The following SPATA31H1 variants were observed in gnomAD, a reference collection of about 807,000 sequenced individuals.
The protein encoded by SPATA31H1 is spermatogenesis-associated protein 31H1.
At chr2:27,566,020 C>T in the SPATA31H1 span, 2 of 717,238 alleles carry the variant, frequency 2.8e-6, no homozygotes, top group African/African-American at 3.5e-5. Flanking sequence ...ATGAGGCTGA[C>T]AGATTCTTCA....
At chr2:27,565,543 GAT>G in the SPATA31H1 span, 1 of 649,920 alleles carries the variant, frequency 1.5e-6, no homozygotes, top group Non-Finnish European at 2.8e-6. Context: ...CATGTCTAAA[GAT>G]ATGTATGTAT....
the SPATA31H1 span, chr2:27,575,658 C>T: frequency 2.0e-5 from 8 of 398,404 alleles, 1 homozygote; most frequent in Non-Finnish European, 3.1e-5. The surrounding 1 kb of genome is among the most constrained non-coding windows in gnomAD (Gnocchi z 4.1). Flanking sequence ...AGAGCCACCA[C>T]ATCAGTGTGT....
chr2:27,556,134 CAAAAA>C, the SPATA31H1 span, among the ~76,000 whole-genome samples: 4 of 92,898 alleles, frequency 4.3e-5, no homozygotes, highest in Admixed American at 1.0e-4. Context: ...GACTCCATCT[CAAAAA>C]AAAAAAAAAA....
At chr2:27,548,278 GTT>G in the SPATA31H1 span, among the ~76,000 whole-genome samples, 4 of 151,768 alleles carry the variant, frequency 2.6e-5, no homozygotes, top group Non-Finnish European at 4.4e-5. Flanking sequence ...CTTAACAGTA[GTT>G]TCTTAATACC....
At chr2:27,541,441 A>G in the SPATA31H1 span, among the ~76,000 whole-genome samples, 2 of 151,800 alleles carry the variant, frequency 1.3e-5, no homozygotes, top group East Asian at 1.9e-4. Flanking sequence ...GGAGAGGGAG[A>G]GACACCAACT....
the SPATA31H1 span, among the ~76,000 whole-genome samples, chr2:27,543,953 C>T: frequency 6.6e-6 from 1 of 151,974 alleles, no homozygotes; most frequent in East Asian, 1.9e-4. Context: ...TTTTTAGGTT[C>T]CTGACAATTT....
the SPATA31H1 span, chr2:27,569,086 TGGA>T: frequency 6.8e-5 from 27 of 398,844 alleles, no homozygotes; most frequent in Admixed American, 4.0e-4. Context: ...TCAGAATCTG[TGGA>T]GATGAGCTCA....
chr2:27,542,946 G>A, the SPATA31H1 span, among the ~76,000 whole-genome samples: 2 of 151,854 alleles, frequency 1.3e-5, no homozygotes, highest in African/African-American at 4.9e-5. Context: ...GTATGGTGGC[G>A]TGCACCTGTA....
chr2:27,570,348 T>G, the SPATA31H1 span: 1 of 398,868 alleles, frequency 2.5e-6, no homozygotes, highest in East Asian at 3.6e-5. Context: ...AAGTGTAAAA[T>G]CTGAGGAAGT....
the SPATA31H1 span, among the ~76,000 whole-genome samples, chr2:27,560,132 C>T: frequency 6.6e-6 from 1 of 152,144 alleles, no homozygotes; most frequent in African/African-American, 2.4e-5. Context: ...TCCCAAAGTG[C>T]TGGGATTACA....
chr2:27,569,057 A>G, the SPATA31H1 span: 1 of 399,032 alleles, frequency 2.5e-6, no homozygotes, highest in East Asian at 3.6e-5. Context: ...GAACTAGCCC[A>G]GGGCCACTGA....
the SPATA31H1 span, chr2:27,579,343 C>A: frequency 7.4e-6 from 12 of 1,614,206 alleles, no homozygotes; most frequent in Non-Finnish European, 9.3e-6. Context: ...ACCTGTCAAT[C>A]TATTCAGAAT....
chr2:27,582,692 T>G, the SPATA31H1 span: 96 of 666,036 alleles, frequency 1.4e-4, no homozygotes, highest in Non-Finnish European at 2.2e-4. Flanking sequence ...GTCTGTAATT[T>G]CTCTAAGATG....
the SPATA31H1 span, among the ~76,000 whole-genome samples, chr2:27,541,446 C>T: frequency 6.6e-6 from 1 of 151,692 alleles, no homozygotes; most frequent in Non-Finnish European, 1.5e-5. Context: ...GGGAGAGACA[C>T]CAACTCATCA....
the SPATA31H1 span, among the ~76,000 whole-genome samples, chr2:27,539,301 A>G: frequency 6.7e-6 from 1 of 149,114 alleles, no homozygotes; most frequent in Non-Finnish European, 1.5e-5. Flanking sequence ...ACTTAAGATT[A>G]GGGAGTGGTG....
chr2:27,577,133 T>G, the SPATA31H1 span: 23 of 1,613,886 alleles, frequency 1.4e-5, no homozygotes, highest in Non-Finnish European at 1.9e-5. The surrounding 1 kb of genome is among the most constrained non-coding windows in gnomAD (Gnocchi z 4.5). Context: ...AGCTAACAGG[T>G]AGAGCTAAGG....
chr2:27,566,859 A>G, the SPATA31H1 span: 2 of 717,478 alleles, frequency 2.8e-6, no homozygotes, highest in Non-Finnish European at 5.2e-6. Context: ...AAAACATTCT[A>G]CTGACCACAG....
chr2:27,555,999 G>C, the SPATA31H1 span, among the ~76,000 whole-genome samples: 2 of 151,714 alleles, frequency 1.3e-5, no homozygotes, highest in African/African-American at 4.9e-5. Context: ...GGGCATGGTG[G>C]CATGTGCCTG....
the SPATA31H1 span, chr2:27,580,245 C>T: frequency 1.3e-5 from 21 of 1,614,064 alleles, no homozygotes; most frequent in Non-Finnish European, 1.8e-5. Context: ...TTCCCAGTCC[C>T]CTGCTCCTGT....
Sources: gnomAD v4.1 joint callset for allele counts (sites outside exome capture counted in the v4.1 genomes callset) on GRCh38, gnomAD v4.1.1 for gene constraint, Gnocchi (gnomAD v3.1) non-coding constraint, MANE v1.5 for transcripts, NCBI Gene and HGNC (gene_info 2026-07-23, HGNC 2026-07-21) for gene names.